The following PPL variants were observed in gnomAD, a reference collection of about 807,000 sequenced individuals.
PPL encodes the protein periplakin, also known as 190 kDa paraneoplastic pemphigus antigen.
In PPL, 198 loss-of-function variants were observed where a neutral mutation model predicts 194.4. The observed-to-expected ratio is 1.02, with a 90% CI of 0.91 to 1.15. The LOEUF (loss-of-function observed/expected upper bound fraction) is 1.15, where lower values mean the gene tolerates loss of function less well. Among genes scored for constraint, PPL ranks in the 50% most tolerant of loss-of-function variants. The pLI, the probability that PPL is intolerant of heterozygous loss-of-function variation, is 0.00. For synonymous variants in PPL, 1,220 were observed against 972.4 expected (o/e 1.25, Z -4.74); for missense variants, 2,885 against 2,294.8 (o/e 1.26, Z -5.25).
Position 4,905,721 on chromosome 16 carries a change from A to G in PPL, c.163-1681T>C, listed in dbSNP as rs570731407. On this transcript the variant is annotated intron_variant, in intron 2 of 21. Coordinates refer to ENST00000345988, the MANE Select transcript of PPL (RefSeq NM_002705.5). The stretch of plus-strand genomic sequence containing the variant: ...TCTTCTTGGAGGAAGAAAATGTGTC[A>G]AGAGTGCCTTTGCCTGGCTAAGTCT... Among the ~76,000 whole-genome samples the G allele has an allele frequency of 2.0e-5, 3 of 152,348 alleles. No individual in the cohort carries two copies. The East Asian group carries it at 5.8e-4, about 29-fold the overall frequency.
At chr16:4,896,293 C>A (rs1035947974) in intron 9 of PPL, among the ~76,000 whole-genome samples, 1 of 152,140 alleles carries the variant, frequency 6.6e-6, no homozygotes, top group African/African-American at 2.4e-5. Context: ...AAGAATTACC[C>A]GCAGCTTCTT....
rs958142295 is a variant in PPL, at chr16:4,888,296, G to A, written c.2398-78C>T. ...CAGACATGTTCCTGTACCCCTTCAG[G>A]CTGACCCAGACCTGCCCTGTGCCAT... is the stretch of plus-strand genomic sequence containing the variant. On this transcript the variant is annotated intron_variant, in intron 19 of 21. Transcript: ENST00000345988. 79 of 1,047,944 alleles carry A rather than the reference G, an allele frequency of 7.5e-5. 1 individual carries two copies. Among genetic ancestry groups the A allele is most frequent in the African/African-American group, 2.6e-4 (17 of 64,304 alleles). The allele number at this position is 1,047,944 out of a possible 1,614,324, so 64.9% of individuals were successfully genotyped here. A position where few individuals can be genotyped will look rare whatever the true frequency, so the allele number is the denominator to read the frequency against.
chr16:4,922,593 C>T (rs1321498391), intron 1 of PPL, among the ~76,000 whole-genome samples: 1 of 152,030 alleles, frequency 6.6e-6, no homozygotes, highest in African/African-American at 2.4e-5. Flanking sequence ...GCCTGGGAGG[C>T]GGAGGTTGTA....
intron 6 of PPL, among the ~76,000 whole-genome samples, chr16:4,899,871 T>A (rs895158569): frequency 6.6e-5 from 10 of 152,196 alleles, no homozygotes; most frequent in African/African-American, 2.2e-4. Context: ...AGCACCACTG[T>A]ACGTCTGAGA....
In PPL at chr16:4,893,378, G is replaced by C; in HGVS notation, c.1493-8C>G. ...CCTGTAGGTCAGAGGCATCTGTGGA[G>C]GGAGGGAGGACACAGGCAGGTGTGA... On this transcript the variant is annotated splice_polypyrimidine_tract_variant and splice_region_variant and intron_variant, in intron 13 of 21. Coordinates refer to ENST00000345988, the MANE Select transcript of PPL (RefSeq NM_002705.5). The C allele has an allele frequency of 2.5e-6, 4 of 1,604,676 alleles. No individual in the cohort carries two copies. The highest frequency in any genetic ancestry group is 3.4e-6 in the Non-Finnish European group (4 of 1,179,142).
chr16:4,897,464 C>G (rs2088453900), intron 9 of PPL, among the ~76,000 whole-genome samples: 1 of 152,074 alleles, frequency 6.6e-6, no homozygotes, highest in African/African-American at 2.4e-5. Context: ...AGACTCTGGC[C>G]CTGGTCCCCA....
intron 14 of PPL, 58 bp from the exon 15 acceptor site, chr16:4,892,271 G>A (rs1411582508): frequency 3.9e-6 from 6 of 1,550,060 alleles, no homozygotes; most frequent in Middle Eastern, 3.7e-4. Context: ...TTCCCCTGAG[G>A]ATGTGCCCAG....
intron 1 of PPL, among the ~76,000 whole-genome samples, chr16:4,933,753 A>G (rs1305165698): frequency 6.6e-6 from 1 of 152,182 alleles, no homozygotes; most frequent in Non-Finnish European, 1.5e-5. Context: ...ACTCAAGTGC[A>G]GGGAGGTTGT....
intron 1 of PPL, among the ~76,000 whole-genome samples, chr16:4,933,885 G>A (rs1479877942): frequency 1.3e-5 from 2 of 152,162 alleles, no homozygotes; most frequent in African/African-American, 2.4e-5. Flanking sequence ...TAGCTTGCCC[G>A]CATTTGCTTA....
chr16:4,891,672 T>G, intron 16 of PPL, 139 bp downstream of exon 16: 1 of 1,092,264 alleles, frequency 9.2e-7, no homozygotes, highest in Middle Eastern at 2.5e-4. Flanking sequence ...GGGCCTCCAT[T>G]TGCAGTTCCC....
chr16:4,894,543 C>T lies in PPL; in HGVS notation c.1318G>A (p.Gly440Arg). Residue 440 changes from glycine to arginine, a missense_variant, in exon 12 of 22, where the codon GGG becomes AGG. Gly to Arg is a moderately radical substitution (Grantham distance 125). Coordinates refer to ENST00000345988, the MANE Select transcript of PPL (RefSeq NM_002705.5). ...ACGGCCGGAGCAATCAGCTTGTTCC[C>T]AGCGCTGTCCATGAGCTCCCAGCTC... is the stretch of plus-strand genomic sequence containing the variant. ...GESWELMDSA[G>R]NKLIAPAVCF... 4 of 1,613,888 alleles carry T rather than the reference C, an allele frequency of 2.5e-6. No homozygotes were observed. In the South Asian group the frequency reaches 3.3e-5, roughly 13 times the overall value.
chr16:4,890,394 A>T (rs1246127071), intron 17 of PPL, 60 bp from the exon 18 acceptor site: 20 of 1,162,832 alleles, frequency 1.7e-5, no homozygotes, highest in East Asian at 3.1e-5. Flanking sequence ...CCGAGCCCTC[A>T]TTTTTTTTTT....
chr16:4,915,693 C>A (rs2088903137), intron 1 of PPL, among the ~76,000 whole-genome samples: 1 of 152,210 alleles, frequency 6.6e-6, no homozygotes, highest in South Asian at 2.1e-4. Flanking sequence ...ACAATCTCCA[C>A]CATCGTAATA....
chr16:4,906,319 G>A (rs112168002), intron 2 of PPL, among the ~76,000 whole-genome samples: 3,808 of 152,254 alleles, frequency 0.025, 92 homozygotes, highest in Non-Finnish European at 0.036. Context: ...CTGCCTCCCG[G>A]ATTCACACCA....
At chr16:4,886,102 G>C in intron 21 of PPL, 55 bp from the exon 22 acceptor site, 1 of 1,608,644 alleles carries the variant, frequency 6.2e-7, no homozygotes, top group Non-Finnish European at 8.5e-7. Context: ...GCACATGTAG[G>C]GCCTGTCCCC....
intron 1 of PPL, among the ~76,000 whole-genome samples, chr16:4,919,600 T>C (rs1289362678): frequency 6.6e-6 from 1 of 152,024 alleles, no homozygotes; most frequent in African/African-American, 2.4e-5. Flanking sequence ...AGTTTCATCA[T>C]CTGTGAAATG....
In PPL at chr16:4,885,691, C is replaced by A. The variant is rs370559904; in HGVS notation, c.2964G>T (p.Gly988=). The A allele has an allele frequency of 6.2e-7, 1 of 1,613,592 alleles. No individual in the cohort carries two copies. Among genetic ancestry groups the A allele is most frequent in the Admixed American group, 1.7e-5 (1 of 60,006 alleles). ...LRALEQETRD[G]GQEYVVKEVL... ...CCTCCTTGACCACGTACTCCTGCCC[C>A]CCGTCTCTGGTCTCCTGCTCCAGGG... Residue 988 remains glycine (G), a synonymous_variant, in exon 22 of 22, where the codon GGG becomes GGT. Transcript: ENST00000345988. This position sits in a 1 kb window ranked among gnomAD's most constrained non-coding sequence, Gnocchi z 6.3.
At chr16:4,918,946 C>T (rs2088981822) in intron 1 of PPL, among the ~76,000 whole-genome samples, 1 of 152,156 alleles carries the variant, frequency 6.6e-6, no homozygotes, top group African/African-American at 2.4e-5. Context: ...TCGGGGCAGC[C>T]AGACGTGGCA....
chr16:4,885,006 C>G lies in PPL; in HGVS notation c.3649G>C (p.Glu1217Gln). Reference protein sequence around the residue: ...EQLRSYQSELEALRRRGPQVE... With the variant: ...EQLRSYQSELQALRRRGPQVE... The stretch of plus-strand genomic sequence containing the variant: ...TGGGGGCCTCGCCTCCTGAGGGCCT[C>G]CAGCTCACTCTGGTAGCTCCGGAGC... Residue 1217 changes from glutamate to glutamine, a missense_variant, in exon 22 of 22, where the codon GAG becomes CAG. Coordinates refer to ENST00000345988, the MANE Select transcript of PPL (RefSeq NM_002705.5). The surrounding 1 kb of genome is among the most constrained non-coding windows in gnomAD (Gnocchi z 6.3). 6.2e-7 allele frequency: 1 copy of G among 1,614,014 alleles called. No individual in the cohort carries two copies. The highest frequency in any genetic ancestry group is 1.1e-5 in the South Asian group (1 of 91,080).
Sources: gnomAD v4.1 joint callset for allele counts (sites outside exome capture counted in the v4.1 genomes callset) on GRCh38, gnomAD v4.1.1 for gene constraint, Gnocchi (gnomAD v3.1) non-coding constraint, MANE v1.5 for transcripts, NCBI Gene and HGNC (gene_info 2026-07-23, HGNC 2026-07-21) for gene names.